The following MAML2 variants were observed in gnomAD, a reference collection of about 807,000 sequenced individuals.
The protein encoded by MAML2 is mastermind like transcriptional coactivator 2.
In MAML2, 22 loss-of-function variants were observed where a neutral mutation model predicts 96.1. That is an observed-to-expected ratio of 0.23 (90% CI 0.16 to 0.33). The LOEUF (loss-of-function observed/expected upper bound fraction) is 0.33, where lower values mean the gene tolerates loss of function less well. Among genes scored for constraint, MAML2 ranks in the 10% least tolerant of loss-of-function variants. MAML2 has a pLI of 1.00. For missense variants in MAML2, 1,367 were observed against 1,392.4 expected, an observed-to-expected ratio of 0.98 and a Z score of 0.29; for synonymous variants, 561 against 521.3, an observed-to-expected ratio of 1.08 and a Z score of -1.04.
At chr11:96,172,751 G>T (rs753115122) in intron 1 of MAML2, among the ~76,000 whole-genome samples, 1 of 152,158 alleles carries the variant, frequency 6.6e-6, no homozygotes. Flanking sequence ...AATTTACTCA[G>T]CTGGTTTTAA....
intron 1 of MAML2, among the ~76,000 whole-genome samples, chr11:96,211,216 T>C (rs1292857602): frequency 6.6e-6 from 1 of 152,216 alleles, no homozygotes; most frequent in Non-Finnish European, 1.5e-5. Flanking sequence ...AGCATCTTGA[T>C]GTGATATCAA....
intron 1 of MAML2, among the ~76,000 whole-genome samples, chr11:96,271,225 G>A (rs974159516): frequency 3.3e-5 from 5 of 152,160 alleles, no homozygotes; most frequent in Admixed American, 6.5e-5. Context: ...GATCCTGTGA[G>A]TCAATTCTCC....
intron 1 of MAML2, among the ~76,000 whole-genome samples, chr11:96,181,123 C>T (rs1369976808): frequency 3.9e-5 from 6 of 152,190 alleles, no homozygotes; most frequent in Admixed American, 3.3e-4. Flanking sequence ...GGCATATTCA[C>T]TTCTTTTGTG....
chr11:96,084,755 G>A (rs550794826), intron 2 of MAML2, among the ~76,000 whole-genome samples: 22 of 152,286 alleles, frequency 1.4e-4, no homozygotes, highest in African/African-American at 5.1e-4. Flanking sequence ...CCAAAGACCA[G>A]AAAGTGCGAT....
intron 1 of MAML2, among the ~76,000 whole-genome samples, chr11:96,121,735 G>T (rs1479818360): frequency 6.9e-5 from 10 of 145,708 alleles, no homozygotes; most frequent in African/African-American, 2.6e-4. Flanking sequence ...AAATGGGAAA[G>T]CAATGCCCTT....
chr11:96,283,007 T>C (rs953060534), intron 1 of MAML2, among the ~76,000 whole-genome samples: 3 of 152,342 alleles, frequency 2.0e-5, no homozygotes, highest in Non-Finnish European at 2.9e-5. Context: ...ACAAGTGAGA[T>C]AGTTTCTTAT....
rs1246679894 is a variant in MAML2, at chr11:96,342,331, AG to A, written c.-437del. The A allele has an allele frequency of 2.5e-6, 1 of 404,462 alleles. No individual in the cohort carries two copies. Among genetic ancestry groups the A allele is most frequent in the Non-Finnish European group, 4.4e-6 (1 of 229,604 alleles). The allele number at this position is 404,462 out of a possible 1,614,324, so 25.1% of individuals were successfully genotyped here. On this transcript the variant is annotated 5_prime_UTR_variant, in exon 1 of 5. Coordinates refer to ENST00000524717, the MANE Select transcript of MAML2 (RefSeq NM_032427.4). Reference sequence around the variant, plus strand: ...AAAAGGTATTGAGAGAGGTATTAATAGAGAGGACTCCCCCTCACCTAGTTGT... The same window carrying A: ...AAAAGGTATTGAGAGAGGTATTAATAAGAGGACTCCCCCTCACCTAGTTGT...
chr11:96,081,028 A>G (rs1453839518), intron 2 of MAML2, among the ~76,000 whole-genome samples: 2 of 152,158 alleles, frequency 1.3e-5, no homozygotes, highest in Non-Finnish European at 2.9e-5. Flanking sequence ...TGCCCTCTTC[A>G]TGGGTTAAGC....
At chr11:96,290,080 T>C (rs1393141546) in intron 1 of MAML2, among the ~76,000 whole-genome samples, 1 of 152,210 alleles carries the variant, frequency 6.6e-6, no homozygotes, top group African/African-American at 2.4e-5. Context: ...TGAGTATCTT[T>C]GGACAATTTC....
At chr11:96,175,023 A>G (rs979394865) in intron 1 of MAML2, among the ~76,000 whole-genome samples, 8 of 152,224 alleles carry the variant, frequency 5.3e-5, no homozygotes, top group African/African-American at 1.9e-4. Context: ...CCTTCTTAGC[A>G]TGTTACACAA....
intron 1 of MAML2, among the ~76,000 whole-genome samples, chr11:96,142,359 T>C (rs1175554551): frequency 6.6e-6 from 1 of 152,132 alleles, no homozygotes; most frequent in African/African-American, 2.4e-5. Context: ...ATTAGGGAAA[T>C]CTTGATTTGT....
At chr11:96,242,545 A>C (rs1862450731) in intron 1 of MAML2, among the ~76,000 whole-genome samples, 1 of 152,246 alleles carries the variant, frequency 6.6e-6, no homozygotes, top group Admixed American at 6.5e-5. Context: ...TAGGTACAGC[A>C]CAAAACAGTT....
intron 2 of MAML2, 148 bp downstream of exon 2, chr11:96,091,744 C>A (rs1383837877): frequency 3.3e-6 from 4 of 1,205,222 alleles, no homozygotes; most frequent in Non-Finnish European, 4.5e-6. Flanking sequence ...ACGAACCAGG[C>A]TTTATGAGGT....
chr11:96,051,960 T>A (rs546852858), intron 2 of MAML2, among the ~76,000 whole-genome samples: 1 of 152,272 alleles, frequency 6.6e-6, no homozygotes, highest in Admixed American at 6.5e-5. Flanking sequence ...CTTCAAGGAT[T>A]CCGTTTAGAA....
chr11:96,180,262 C>T (rs866625147), intron 1 of MAML2, among the ~76,000 whole-genome samples: 1 of 152,190 alleles, frequency 6.6e-6, no homozygotes, highest in African/African-American at 2.4e-5. Context: ...GATTTTGACA[C>T]TCCTCCCCCT....
In MAML2 at chr11:96,180,367, T is replaced by A. The variant is rs1159187471; in HGVS notation, c.514-86850A>T. Among the ~76,000 whole-genome samples, 9 of 152,288 alleles carry A rather than the reference T, an allele frequency of 5.9e-5. No individual in the cohort carries two copies. In the East Asian group the frequency reaches 1.7e-3, roughly 29 times the overall value. On this transcript the variant is annotated intron_variant, in intron 1 of 4. Transcript: ENST00000524717. ...AGAGTGGCAGTAATGCTCTGTGACT[T>A]CCAAGGCTAGGTTATAAAAAGGATA...
intron 2 of MAML2, among the ~76,000 whole-genome samples, chr11:96,080,699 T>C (rs1195242542): frequency 6.6e-6 from 1 of 152,220 alleles, no homozygotes; most frequent in Non-Finnish European, 1.5e-5. Flanking sequence ...GATTAAGTAT[T>C]TGCCGAATGA....
intron 1 of MAML2, among the ~76,000 whole-genome samples, chr11:96,174,199 G>A (rs1198431479): frequency 6.6e-6 from 1 of 152,050 alleles, no homozygotes; most frequent in African/African-American, 2.4e-5. Flanking sequence ...GTTGTCATGA[G>A]GTCACATAAG....
chr11:96,313,343 GC>G, intron 1 of MAML2, among the ~76,000 whole-genome samples: 1 of 152,148 alleles, frequency 6.6e-6, no homozygotes, highest in East Asian at 1.9e-4. Context: ...TGGGGTGGAC[GC>G]CAAGGTGCAA....
Sources: allele counts gnomAD v4.1 joint callset (sites outside exome capture counted in the v4.1 genomes callset), GRCh38; gene constraint gnomAD v4.1.1; transcripts MANE v1.5; gene names NCBI Gene and HGNC (gene_info 2026-07-23, HGNC 2026-07-21).